Variants in CFAP20DC observed in about 807,000 individuals in gnomAD.
CFAP20DC encodes CFAP20 domain containing.
CFAP20DC carries 84 observed loss-of-function variants against 101.7 expected under a neutral mutation model. That is an observed-to-expected ratio of 0.83 (90% confidence interval 0.69 to 0.99). CFAP20DC has a LOEUF of 0.99. Among genes scored for constraint, CFAP20DC ranks in the 50% least tolerant of loss-of-function variants. The pLI is 0.00. For missense variants in CFAP20DC, 1,007 were observed against 970.3 expected (o/e 1.04, Z -0.50); for synonymous variants, 359 against 351.2 (o/e 1.02, Z -0.25).
chr3:58,867,921 A>G lies in CFAP20DC; in HGVS notation c.1031T>C (p.Ile344Thr). The change falls in exon 10 of 17, where the codon ATT becomes ACT. Residue 344 changes from isoleucine (I) to threonine (T), a missense_variant. Physicochemically the swap from Ile to Thr is moderately conservative, Grantham distance 89 (BLOSUM62 -1). Transcript: ENST00000482387. Reference sequence around the variant, plus strand: ...TTCTTGAGGGGGATGCGGATGCATAATATGTAGATTGGCTGCTACATTTTC... The same window carrying G: ...TTCTTGAGGGGGATGCGGATGCATAGTATGTAGATTGGCTGCTACATTTTC... The part of the protein sequence containing the change: ...TVPIHAANLH[I>T]MHPHPPQEPS... 1 of 1,611,442 alleles carries G rather than the reference A, an allele frequency of 6.2e-7. No individual in the cohort carries two copies. The highest frequency in any genetic ancestry group is 8.5e-7 in the Non-Finnish European group (1 of 1,178,886).
chr3:58,890,025 A>C (rs1411177778), intron 6 of CFAP20DC, among the ~76,000 whole-genome samples: 1 of 147,796 alleles, frequency 6.8e-6, no homozygotes, highest in East Asian at 2.0e-4. Context: ...TATTCCACAA[A>C]GCCGCCATTG....
At chr3:58,950,214 G>C (rs1371735508) in intron 4 of CFAP20DC, among the ~76,000 whole-genome samples, 1 of 152,032 alleles carries the variant, frequency 6.6e-6, no homozygotes, top group Non-Finnish European at 1.5e-5. Context: ...AACTTACAAG[G>C]ACCTCTTCAA....
chr3:58,829,716 C>A (rs1020201871), intron 14 of CFAP20DC, among the ~76,000 whole-genome samples: 1 of 152,064 alleles, frequency 6.6e-6, no homozygotes, highest in African/African-American at 2.4e-5. Context: ...GTATACTTTT[C>A]GAGTGGAATA....
intron 4 of CFAP20DC, among the ~76,000 whole-genome samples, chr3:58,998,021 G>A (rs1195833719): frequency 2.0e-5 from 3 of 152,256 alleles, no homozygotes; most frequent in Admixed American, 6.5e-5. Flanking sequence ...CACAGAGTTG[G>A]CCTCTGTGAT....
chr3:58,972,233 C>A (rs1406760061), intron 4 of CFAP20DC, among the ~76,000 whole-genome samples: 1 of 152,118 alleles, frequency 6.6e-6, no homozygotes, highest in East Asian at 1.9e-4. Context: ...TGAGGGGAAT[C>A]AATAGACTAT....
chr3:58,873,533 T>C (rs2080448530), intron 7 of CFAP20DC, among the ~76,000 whole-genome samples: 1 of 150,096 alleles, frequency 6.7e-6, no homozygotes, highest in South Asian at 2.2e-4. Flanking sequence ...GGATCAGCTA[T>C]GCTGGATGGT....
At chr3:58,815,839 T>G (rs1204810317) in intron 14 of CFAP20DC, among the ~76,000 whole-genome samples, 87 of 150,528 alleles carry the variant, frequency 5.8e-4, no homozygotes, top group Non-Finnish European at 1.1e-3. Flanking sequence ...AGAATGGCAA[T>G]CATTAAAAAG....
At chr3:58,867,694 G>T (rs1417680809) in intron 10 of CFAP20DC, 123 bp downstream of exon 10, 1 of 1,194,744 alleles carries the variant, frequency 8.4e-7, no homozygotes, top group Non-Finnish European at 1.2e-6. Context: ...AATCCTTGTA[G>T]AACAGACATT....
chr3:58,769,486 G>C lies in CFAP20DC; in HGVS notation c.2238-15623C>G, dbSNP rs111552100. On this transcript the variant is annotated intron_variant, in intron 15 of 16. Coordinates refer to ENST00000482387, the MANE Select transcript of CFAP20DC (RefSeq NM_001394063.1). ...AATTCTCAATAAATGTTTGCTGAATGAATGCTCTCAGGAGGGCCAGGGCTA... is the reference window on the plus strand; with the variant it reads ...AATTCTCAATAAATGTTTGCTGAATCAATGCTCTCAGGAGGGCCAGGGCTA... 1.0e-3 allele frequency among the ~76,000 whole-genome samples: 155 copies of C among 152,260 alleles called. 1 individual carries two copies. Among genetic ancestry groups the C allele is most frequent in the African/African-American group, 3.4e-3 (143 of 41,542 alleles).
At chr3:58,822,527 T>G (rs1483308250) in intron 14 of CFAP20DC, among the ~76,000 whole-genome samples, 1 of 151,458 alleles carries the variant, frequency 6.6e-6, no homozygotes, top group African/African-American at 2.4e-5. Context: ...GCATGGCACA[T>G]GTATACATAT....
At position 58,789,147 on chromosome 3, in the gene CFAP20DC, T is replaced by G. The variant is rs547165168; in HGVS notation, c.2237+17248A>C. Among the ~76,000 whole-genome samples the G allele has an allele frequency of 2.0e-5, 3 of 152,274 alleles. No homozygotes were observed. In the East Asian group the frequency reaches 5.8e-4, roughly 29 times the overall value. The stretch of plus-strand genomic sequence containing the variant: ...TCCCAAGCAACTTTATATAACACCT[T>G]TTAGAGAGTTATAAGGCAACTGTAG... On this transcript the variant is annotated intron_variant, in intron 15 of 16. Transcript: ENST00000482387.
intron 14 of CFAP20DC, among the ~76,000 whole-genome samples, chr3:58,827,285 A>G (rs2107998391): frequency 6.6e-6 from 1 of 152,196 alleles, no homozygotes; most frequent in South Asian, 2.1e-4. Context: ...TTAAAGAGCC[A>G]TTTTCTAAAT....
intron 4 of CFAP20DC, among the ~76,000 whole-genome samples, chr3:58,981,995 T>C (rs944125178): frequency 1.3e-5 from 2 of 151,930 alleles, no homozygotes; most frequent in African/African-American, 2.4e-5. Flanking sequence ...TACAATGAAC[T>C]CAAACAAATT....
rs2093443263 is a variant in CFAP20DC, at chr3:59,006,768, C to G, written c.278+32789G>C. Reference sequence around the variant, plus strand: ...AGGGGTCACAAGATGAATGAAGCTTCCAACTAAATTTTGTAATAGTTTCAA... The same window carrying G: ...AGGGGTCACAAGATGAATGAAGCTTGCAACTAAATTTTGTAATAGTTTCAA... On this transcript the variant is annotated intron_variant, in intron 4 of 16. Coordinates refer to ENST00000482387, the MANE Select transcript of CFAP20DC (RefSeq NM_001394063.1). The surrounding 1 kb of genome is among the most constrained non-coding windows in gnomAD (Gnocchi z 4.3). Among the ~76,000 whole-genome samples, 3 of 152,078 alleles carry G rather than the reference C, an allele frequency of 2.0e-5. No homozygotes were observed. The highest frequency in any genetic ancestry group is 6.6e-5 in the Admixed American group (1 of 15,264).
rs558185202 is a variant in CFAP20DC at position 58,747,264 on chromosome 3, C to T, written c.2333-4692G>A. The stretch of plus-strand genomic sequence containing the variant: ...CCTCATCCACTCTGAAATTGGTTAA[C>T]GGCAATAACAGAAGAAAAACCAATG... On this transcript the variant is annotated intron_variant, in intron 16 of 16. Transcript: ENST00000482387. Among the ~76,000 whole-genome samples, 45 of 152,218 alleles carry T rather than the reference C, an allele frequency of 3.0e-4. No individual in the cohort carries two copies. In the East Asian group the frequency reaches 4.4e-3, roughly 15 times the overall value.
At chr3:58,915,190 G>T (rs2084554264) in intron 5 of CFAP20DC, among the ~76,000 whole-genome samples, 2 of 152,122 alleles carry the variant, frequency 1.3e-5, no homozygotes, top group South Asian at 4.1e-4. Flanking sequence ...AGAGCACCAA[G>T]GCACAGAAAG....
Position 58,888,785 on chromosome 3 carries a change from T to G in CFAP20DC, c.551-4076A>C, listed in dbSNP as rs138552821. Among the ~76,000 whole-genome samples, 164 of 152,350 alleles carry G rather than the reference T, an allele frequency of 1.1e-3. 1 individual carries two copies. Among genetic ancestry groups the G allele is most frequent in the African/African-American group, 3.8e-3 (156 of 41,572 alleles). ...GTGCTGCAGTGAACATATGCGTGCA[T>G]GTATCCTTATAGTAGAATTATTTAT... On this transcript the variant is annotated intron_variant, in intron 6 of 16. Transcript: ENST00000482387.
chr3:58,989,524 A>G (rs1344883865), intron 4 of CFAP20DC, among the ~76,000 whole-genome samples: 1 of 152,146 alleles, frequency 6.6e-6, no homozygotes, highest in African/African-American at 2.4e-5. Flanking sequence ...TTCATTAATA[A>G]ACTTTTTTAG....
At chr3:58,760,821 A>C (rs2069497110) in intron 15 of CFAP20DC, among the ~76,000 whole-genome samples, 1 of 152,232 alleles carries the variant, frequency 6.6e-6, no homozygotes, top group Non-Finnish European at 1.5e-5. Flanking sequence ...GGTTCTGTTT[A>C]CATGCTGGAT....
Sources: gnomAD v4.1 joint callset for allele counts (sites outside exome capture counted in the v4.1 genomes callset) on GRCh38, gnomAD v4.1.1 for gene constraint, Gnocchi (gnomAD v3.1) non-coding constraint, MANE v1.5 for transcripts, NCBI Gene and HGNC (gene_info 2026-07-23, HGNC 2026-07-21) for gene names.